LRRC18: variants seen among roughly 807,000 people sequenced by gnomAD.
LRRC18 encodes the protein leucine rich repeat containing 18.
Under a neutral mutation model 11.2 loss-of-function variants are expected in LRRC18, and 12 were observed. The observed-to-expected ratio is 1.07, with a 90% CI of 0.69 to 1.74. The LOEUF (loss-of-function observed/expected upper bound fraction) is 1.74, where lower values mean the gene tolerates loss of function less well. Among genes scored for constraint, LRRC18 ranks in the 40% most tolerant of loss-of-function variants. The pLI, the probability that LRRC18 is intolerant of heterozygous loss-of-function variation, is 0.00. For synonymous variants in LRRC18, 155 were observed against 130.6 expected, an observed-to-expected ratio of 1.19 and a Z score of -1.27; for missense variants, 374 against 330.5, an observed-to-expected ratio of 1.13 and a Z score of -1.02.
At chr10:48,938,780 A>G in the LRRC18 span, among the ~76,000 whole-genome samples, 1 of 152,190 alleles carries the variant, frequency 6.6e-6, no homozygotes, top group Non-Finnish European at 1.5e-5. Flanking sequence ...ACCCCTGAAA[A>G]TAAGGAAGAA....
the LRRC18 span, among the ~76,000 whole-genome samples, chr10:48,924,493 C>T: frequency 6.6e-6 from 1 of 152,096 alleles, no homozygotes; most frequent in Non-Finnish European, 1.5e-5. Context: ...GATAGATGGG[C>T]GAATAGACAG....
chr10:48,910,412 G>A (rs776537835), intron 1 of LRRC18, among the ~76,000 whole-genome samples, 154 bp from the exon 4 acceptor site: 3 of 152,176 alleles, frequency 2.0e-5, no homozygotes, highest in Non-Finnish European at 4.4e-5. Flanking sequence ...TTTGAGGAAA[G>A]AGAACACCCA....
chr10:48,923,219 T>G, the LRRC18 span, among the ~76,000 whole-genome samples: 1 of 152,046 alleles, frequency 6.6e-6, no homozygotes, highest in Non-Finnish European at 1.5e-5. Flanking sequence ...TGGGCACCAC[T>G]GTGGTCCAAT....
intron 1 of LRRC18, among the ~76,000 whole-genome samples, chr10:48,912,558 C>G (rs567087500): frequency 2.0e-5 from 3 of 152,236 alleles, no homozygotes; most frequent in African/African-American, 7.2e-5. Flanking sequence ...TTCAGTTGCT[C>G]TCTCCTCCAG....
At chr10:48,925,737 G>A in the LRRC18 span, among the ~76,000 whole-genome samples, 2 of 152,102 alleles carry the variant, frequency 1.3e-5, no homozygotes. Context: ...TGCAGAAGCA[G>A]GGGTTGGAAT....
At chr10:48,925,210 CACCTAACTGTG>C in the LRRC18 span, among the ~76,000 whole-genome samples, 2 of 152,232 alleles carry the variant, frequency 1.3e-5, no homozygotes, top group African/African-American at 2.4e-5. Flanking sequence ...CAGGCCAGCT[CACCTAACTGTG>C]ACCTCCCGAG....
At chr10:48,917,450 A>G (rs1232001752), upstream of LRRC18, among the ~76,000 whole-genome samples, 1 of 152,220 alleles carries the variant, frequency 6.6e-6, no homozygotes, top group Non-Finnish European at 1.5e-5. Context: ...ACACTCAGAC[A>G]CATAATCAAA....
upstream of LRRC18, among the ~76,000 whole-genome samples, chr10:48,918,955 C>T (rs956077730): frequency 2.6e-5 from 4 of 152,190 alleles, no homozygotes; most frequent in African/African-American, 9.7e-5. Context: ...GAATAACTCA[C>T]TATTACCACT....
chr10:48,928,201 T>C, the LRRC18 span, among the ~76,000 whole-genome samples: 1 of 152,274 alleles, frequency 6.6e-6, no homozygotes, highest in African/African-American at 2.4e-5. Context: ...GTAGTGGGTG[T>C]GCCCAGCCCC....
At chr10:48,916,743 C>T (rs1449665999), upstream of LRRC18, among the ~76,000 whole-genome samples, 1 of 152,166 alleles carries the variant, frequency 6.6e-6, no homozygotes, top group East Asian at 1.9e-4. Flanking sequence ...CCTGAGCTGC[C>T]TCTGTTTAAA....
the LRRC18 span, among the ~76,000 whole-genome samples, chr10:48,923,915 C>T: frequency 1.5e-4 from 23 of 152,190 alleles, no homozygotes; most frequent in Admixed American, 6.5e-5. Flanking sequence ...ATGGGACATC[C>T]AGCCAGTTGG....
the LRRC18 span, among the ~76,000 whole-genome samples, chr10:48,928,402 G>GTGT: frequency 6.7e-6 from 1 of 149,506 alleles, no homozygotes; most frequent in Non-Finnish European, 1.5e-5. Flanking sequence ...GTGTGTTGGT[G>GTGT]GGGGTTGGCA....
At chr10:48,913,314 T>G in intron 1 of LRRC18, 78 bp downstream of exon 3, 1 of 1,403,508 alleles carries the variant, frequency 7.1e-7, no homozygotes, top group Non-Finnish European at 9.7e-7. Context: ...GAGCCCTTGG[T>G]TTCCTGTGGA....
chr10:48,911,837 A>G (rs1838032432), intron 1 of LRRC18, among the ~76,000 whole-genome samples: 1 of 152,246 alleles, frequency 6.6e-6, no homozygotes, highest in Non-Finnish European at 1.5e-5. Context: ...GAAAATTTTG[A>G]ATCTAGATCT....
intron 1 of LRRC18, chr10:48,911,025 G>T: frequency 2.4e-6 from 1 of 419,928 alleles, no homozygotes; most frequent in Non-Finnish European, 3.2e-6. Flanking sequence ...TAGCTATCCG[G>T]CACTGTCTGT....
the LRRC18 span, among the ~76,000 whole-genome samples, chr10:48,927,550 T>C: frequency 6.6e-6 from 1 of 152,220 alleles, no homozygotes; most frequent in African/African-American, 2.4e-5. Flanking sequence ...GGCAATTATC[T>C]GGTTAATTTG....
the LRRC18 span, among the ~76,000 whole-genome samples, chr10:48,935,624 A>T: frequency 6.6e-6 from 1 of 152,254 alleles, no homozygotes; most frequent in South Asian, 2.1e-4. Context: ...GCTGTCTTTC[A>T]TCTATTTATT....
chr10:48,912,119 A>T (rs555102405), intron 1 of LRRC18, among the ~76,000 whole-genome samples: 141 of 152,356 alleles, frequency 9.3e-4, no homozygotes, highest in African/African-American at 3.0e-3. Flanking sequence ...AAGGTGTGAG[A>T]GTGTGGTACA....
the LRRC18 span, among the ~76,000 whole-genome samples, chr10:48,937,056 G>C: frequency 6.6e-6 from 1 of 151,682 alleles, no homozygotes; most frequent in Non-Finnish European, 1.5e-5. Context: ...ACCACGCCTG[G>C]CTAATTTTTG....
Sources: gnomAD v4.1 joint callset for allele counts (sites outside exome capture counted in the v4.1 genomes callset) on GRCh38, gnomAD v4.1.1 for gene constraint, MANE v1.5 for transcripts, NCBI Gene and HGNC (gene_info 2026-07-23, HGNC 2026-07-21) for gene names.